ADARB1: variants seen among roughly 807,000 people sequenced by gnomAD.
ADARB1 encodes double-stranded RNA-specific editase 1.
ADARB1 carries 10 observed loss-of-function variants against 52.4 expected under a neutral mutation model. The observed-to-expected ratio is 0.19, with a 90% CI of 0.12 to 0.32. The LOEUF is 0.32. Ranked by LOEUF, ADARB1 falls within the 10% of genes least tolerant of loss-of-function variation. ADARB1 has a pLI of 1.00. For missense variants in ADARB1, 643 were observed against 922.3 expected (o/e 0.70, Z 3.92); for synonymous variants, 349 against 371.1 (o/e 0.94, Z 0.68).
intron 2 of ADARB1, among the ~76,000 whole-genome samples, chr21:45,160,159 C>T (rs1024456614): frequency 7.9e-5 from 12 of 152,338 alleles, no homozygotes; most frequent in Non-Finnish European, 1.6e-4. Context: ...TGTCAAGGCA[C>T]ATGCTCCAGG....
intron 1 of ADARB1, among the ~76,000 whole-genome samples, chr21:45,097,216 G>C (rs2086802012): frequency 6.6e-6 from 1 of 152,110 alleles, no homozygotes; most frequent in African/African-American, 2.4e-5. Context: ...ACTGTGAGAT[G>C]GTCACATACC....
chr21:45,160,190 C>A (rs952004006), intron 2 of ADARB1, among the ~76,000 whole-genome samples: 1 of 152,206 alleles, frequency 6.6e-6, no homozygotes, highest in South Asian at 2.1e-4. Flanking sequence ...GGAAGGAAAA[C>A]ACATGGTCTT....
chr21:45,196,020 C>A (rs2092417042), intron 8 of ADARB1, among the ~76,000 whole-genome samples: 1 of 152,110 alleles, frequency 6.6e-6, no homozygotes, highest in African/African-American at 2.4e-5. Flanking sequence ...GTCTTCCTAG[C>A]CATAAATATG....
intron 2 of ADARB1, among the ~76,000 whole-genome samples, chr21:45,146,985 G>A (rs1166263935): frequency 3.9e-5 from 6 of 152,240 alleles, no homozygotes; most frequent in Non-Finnish European, 7.3e-5. Context: ...TGGAGAGACA[G>A]TGCAGCTAGT....
At chr21:45,114,558 T>C (rs955370451) in intron 1 of ADARB1, among the ~76,000 whole-genome samples, 2 of 152,204 alleles carry the variant, frequency 1.3e-5, no homozygotes, top group Non-Finnish European at 2.9e-5. Context: ...GAAACAAACA[T>C]TAAAAAATAT....
rs12482292 is a variant in ADARB1, at chr21:45,089,974, G to A, written c.-220+15181G>A. Among the ~76,000 whole-genome samples the A allele has an allele frequency of 3.1e-3, 476 of 152,314 alleles. 4 individuals are homozygous for A. Among genetic ancestry groups the A allele is most frequent in the Middle Eastern group, 0.014 (4 of 294 alleles). ...AGTGTAGTGTTTGGATCATAGTGAT[G>A]GCTAGCAGGCTGCATCTCGTTGTTG... is the stretch of plus-strand genomic sequence containing the variant. On this transcript the variant is annotated intron_variant, in intron 1 of 10. Coordinates refer to ENST00000348831, the MANE Select transcript of ADARB1 (RefSeq NM_001112.4).
At chr21:45,123,553 C>T (rs2088351561) in intron 1 of ADARB1, among the ~76,000 whole-genome samples, 1 of 152,226 alleles carries the variant, frequency 6.6e-6, no homozygotes, top group Admixed American at 6.5e-5. Flanking sequence ...GATCCTTCCG[C>T]CTCTGTCTCC....
rs184860318 is a variant in ADARB1 at position 45,080,465 on chromosome 21, G to C, written c.-220+5672G>C. ...AGGGAGGCAGGACTTCTGCACGTGG[G>C]AGCCTGGACTCAGAAATATTCCTCA... On this transcript the variant is annotated intron_variant, in intron 1 of 10. Coordinates refer to ENST00000348831, the MANE Select transcript of ADARB1 (RefSeq NM_001112.4). Among the ~76,000 whole-genome samples, 477 of 152,286 alleles carry C rather than the reference G, an allele frequency of 3.1e-3. 4 individuals carry two copies. Among genetic ancestry groups the C allele is most frequent in the Middle Eastern group, 0.014 (4 of 294 alleles).
intron 1 of ADARB1, among the ~76,000 whole-genome samples, chr21:45,106,782 G>A (rs900864125): frequency 5.9e-5 from 9 of 152,192 alleles, no homozygotes; most frequent in African/African-American, 9.7e-5. Context: ...TCTCTTCTCT[G>A]TGTCAGTTGT....
intron 2 of ADARB1, among the ~76,000 whole-genome samples, chr21:45,130,466 G>A (rs2088863929): frequency 6.6e-6 from 1 of 152,194 alleles, no homozygotes; most frequent in African/African-American, 2.4e-5. Context: ...CTGATTCTGT[G>A]TTACTAAATG....
chr21:45,185,200 C>G (rs1015982286), intron 8 of ADARB1, 109 bp downstream of exon 8: 19 of 1,381,986 alleles, frequency 1.4e-5, no homozygotes, highest in Non-Finnish European at 1.9e-5. Flanking sequence ...CCATTTCCCA[C>G]TCAGGTGTTC....
intron 1 of ADARB1, among the ~76,000 whole-genome samples, chr21:45,116,730 G>A (rs765974850): frequency 3.9e-5 from 6 of 152,156 alleles, no homozygotes; most frequent in Non-Finnish European, 5.9e-5. Flanking sequence ...TTACAAAGCC[G>A]TCAGATCCCG....
At chr21:45,178,455 C>G (rs2091791995) in intron 4 of ADARB1, among the ~76,000 whole-genome samples, 1 of 152,248 alleles carries the variant, frequency 6.6e-6, no homozygotes, top group African/African-American at 2.4e-5. Flanking sequence ...CACTTCGAGT[C>G]TCTGCCGGAG....
rs2091720654 is a variant in ADARB1, at chr21:45,176,932, C to A, written c.963+268C>A. 11 of 422,308 alleles carry A rather than the reference C, an allele frequency of 2.6e-5. No homozygotes were observed. In the South Asian group the frequency reaches 4.6e-4, roughly 18 times the overall value. The allele number at this position is 422,308 out of a possible 1,614,324, so 26.2% of individuals were successfully genotyped here. A position where few individuals can be genotyped will look rare whatever the true frequency, so the allele number is the denominator to read the frequency against. ...GTCCACCAGAGCAGTGTTTACAACA[C>A]TATCCATAACTCCCTTCCCGTTAGG... On this transcript the variant is annotated intron_variant, in intron 4 of 10. Transcript: ENST00000348831. This position sits in a 1 kb window ranked among gnomAD's most constrained non-coding sequence, Gnocchi z 5.8.
chr21:45,118,350 T>C (rs1489756073), intron 1 of ADARB1, among the ~76,000 whole-genome samples: 1 of 152,198 alleles, frequency 6.6e-6, no homozygotes, highest in Non-Finnish European at 1.5e-5. Flanking sequence ...ACAGACTTCT[T>C]AATTCACTTC....
At chr21:45,144,928 G>A in intron 2 of ADARB1, 1 of 176,848 alleles carries the variant, frequency 5.7e-6, no homozygotes, top group East Asian at 1.6e-4. Context: ...CATTTGATGA[G>A]GAAAAAACCA....
At chr21:45,156,672 C>A (rs188481887) in intron 2 of ADARB1, among the ~76,000 whole-genome samples, 15 of 152,152 alleles carry the variant, frequency 9.9e-5, no homozygotes, top group Non-Finnish European at 1.9e-4. Context: ...TCCACCCCCC[C>A]ACGCACCCAC....
rs1381095423 is a variant in ADARB1, at chr21:45,224,419, A to G, written c.*2222A>G. On this transcript the variant is annotated 3_prime_UTR_variant, in exon 11 of 11. Coordinates refer to ENST00000348831, the MANE Select transcript of ADARB1 (RefSeq NM_001112.4). ...GGTGGACTCGTGCGGCCTTGAGGAC[A>G]GGCACAGGGCACCCTATCCCAAGCC... 2 of 911,148 alleles carry G rather than the reference A, an allele frequency of 2.2e-6. No homozygotes were observed. Among genetic ancestry groups the G allele is most frequent in the Non-Finnish European group, 2.5e-6 (2 of 802,974 alleles). The allele number at this position is 911,148 out of a possible 1,614,324, so 56.4% of individuals were successfully genotyped here.
chr21:45,075,198 GC>G (rs2085872618), intron 1 of ADARB1, among the ~76,000 whole-genome samples: 1 of 151,688 alleles, frequency 6.6e-6, no homozygotes, highest in Non-Finnish European at 1.5e-5. Flanking sequence ...ACGAGGCTGC[GC>G]CCGGGGACCA....
Sources: allele counts gnomAD v4.1 joint callset (sites outside exome capture counted in the v4.1 genomes callset), GRCh38; gene constraint gnomAD v4.1.1; non-coding constraint Gnocchi (gnomAD v3.1); transcripts MANE v1.5; gene names NCBI Gene and HGNC (gene_info 2026-07-23, HGNC 2026-07-21).